TFDP2: variants seen among roughly 807,000 people sequenced by gnomAD.
The protein encoded by TFDP2 is transcription factor Dp-2 (E2F dimerization partner 2).
In TFDP2, 17 loss-of-function variants were observed where a neutral mutation model predicts 59.3. The ratio of observed to expected loss-of-function variants is 0.29; its 90% CI spans 0.20 to 0.43. The LOEUF (loss-of-function observed/expected upper bound fraction) is 0.43, where lower values mean the gene tolerates loss of function less well. Ranked by LOEUF, TFDP2 falls within the 20% of genes least tolerant of loss-of-function variation. The probability of loss-of-function intolerance (pLI) is 1.00; values close to 1 mark genes in which losing one functional copy is unlikely to be tolerated. For missense variants in TFDP2, 391 were observed against 528.8 expected (o/e 0.74, Z 2.56); for synonymous variants, 180 against 194.7 (o/e 0.92, Z 0.63).
intron 3 of TFDP2, among the ~76,000 whole-genome samples, chr3:142,081,261 G>A (rs917903612): frequency 1.3e-5 from 2 of 151,996 alleles, no homozygotes; most frequent in African/African-American, 4.8e-5. Context: ...AAATTAGAAA[G>A]AAATTTAAAA....
chr3:142,104,192 A>G (rs1019360586), intron 1 of TFDP2, among the ~76,000 whole-genome samples: 13 of 152,212 alleles, frequency 8.5e-5, no homozygotes, highest in Admixed American at 1.3e-4. Context: ...TCTAAAAATA[A>G]AGTTCCTATG....
chr3:142,085,209 C>A (rs924812894), intron 3 of TFDP2, among the ~76,000 whole-genome samples: 1 of 152,148 alleles, frequency 6.6e-6, no homozygotes, highest in East Asian at 1.9e-4. Context: ...GCCATTGCAC[C>A]CAGCCGGTCA....
intron 9 of TFDP2, among the ~76,000 whole-genome samples, chr3:141,968,168 T>G (rs1246199608): frequency 7.0e-6 from 1 of 142,814 alleles, no homozygotes; most frequent in Non-Finnish European, 1.5e-5. Context: ...GGCAGGAGCA[T>G]AGGAATAAAC....
chr3:142,135,473 G>T (rs542697844), intron 1 of TFDP2, among the ~76,000 whole-genome samples: 1 of 151,898 alleles, frequency 6.6e-6, no homozygotes, highest in Admixed American at 6.6e-5. Context: ...TGTTACACAG[G>T]TATACATGTG....
At chr3:142,006,148 A>G (rs1394928593) in intron 3 of TFDP2, among the ~76,000 whole-genome samples, 2 of 152,212 alleles carry the variant, frequency 1.3e-5, no homozygotes, top group Admixed American at 1.3e-4. Context: ...AGTATTTTAA[A>G]TTTCAAATTA....
rs1935421174 is a variant in TFDP2 at position 141,947,870 on chromosome 3, G to C, written c.*4643C>G. 6.6e-6 allele frequency: 1 copy of C among 152,384 alleles called. No homozygotes were observed. Among genetic ancestry groups the C allele is most frequent in the South Asian group, 2.1e-4 (1 of 4,822 alleles). 9.4% of individuals were successfully genotyped at this position (152,384 alleles called of 1,614,324 possible). A position where few individuals can be genotyped will look rare whatever the true frequency, so the allele number is the denominator to read the frequency against. On this transcript the variant is annotated 3_prime_UTR_variant, in exon 13 of 13. Coordinates refer to ENST00000489671, the MANE Select transcript of TFDP2 (RefSeq NM_001178139.2). ...ACTCAGTAAAACTGTCTCTTTCCCA[G>C]AGGGGCCTTTCCCAGCCACCCCCAG...
intron 1 of TFDP2, among the ~76,000 whole-genome samples, chr3:142,145,889 A>G (rs1158667198): frequency 1.3e-5 from 2 of 152,226 alleles, no homozygotes; most frequent in Non-Finnish European, 2.9e-5. Context: ...AGTTCCTCAC[A>G]TATTCCTTAT....
At position 142,140,082 on chromosome 3, in the gene TFDP2, G is replaced by A. The variant is rs148819163; in HGVS notation, c.-93+9101C>T. 3.7e-3 allele frequency among the ~76,000 whole-genome samples: 564 copies of A among 151,704 alleles called. 2 individuals are homozygous for A. Among genetic ancestry groups the A allele is most frequent in the African/African-American group, 0.012 (510 of 41,358 alleles). ...GTTCATTTCTTTTTACTCTTTTTTC[G>A]CTAAACTTGTCTTCTCGCTTTATTT... On this transcript the variant is annotated intron_variant, in intron 1 of 12. Coordinates refer to ENST00000489671, the MANE Select transcript of TFDP2 (RefSeq NM_001178139.2).
At chr3:142,062,966 T>C (rs2059968342) in intron 3 of TFDP2, among the ~76,000 whole-genome samples, 1 of 152,198 alleles carries the variant, frequency 6.6e-6, no homozygotes, top group South Asian at 2.1e-4. Flanking sequence ...TGATAGCAGT[T>C]ATCCTTGAAA....
intron 1 of TFDP2, among the ~76,000 whole-genome samples, chr3:142,130,113 T>C (rs1385957035): frequency 2.0e-5 from 3 of 152,066 alleles, no homozygotes; most frequent in African/African-American, 7.2e-5. Flanking sequence ...TCCAAAAAAA[T>C]TGAAAGCAAG....
intron 3 of TFDP2, among the ~76,000 whole-genome samples, chr3:142,067,025 A>G (rs2060094568): frequency 6.6e-6 from 1 of 152,200 alleles, no homozygotes; most frequent in African/African-American, 2.4e-5. Context: ...AAGGGCAGCT[A>G]TAAAAAAAAT....
At chr3:141,963,058 CAG>C (rs1221450059) in intron 10 of TFDP2, among the ~76,000 whole-genome samples, 2 of 152,078 alleles carry the variant, frequency 1.3e-5, no homozygotes, top group South Asian at 2.1e-4. Flanking sequence ...CTTGAGAAAA[CAG>C]AGCTTTGCAG....
intron 9 of TFDP2, among the ~76,000 whole-genome samples, chr3:141,966,744 G>T (rs775111236): frequency 1.3e-5 from 2 of 151,206 alleles, no homozygotes; most frequent in Non-Finnish European, 2.9e-5. Flanking sequence ...TAGGATATTG[G>T]GATTATCTAC....
At chr3:141,987,310 TCTCA>T (rs1942208943) in intron 6 of TFDP2, among the ~76,000 whole-genome samples, 1 of 150,488 alleles carries the variant, frequency 6.6e-6, no homozygotes, top group South Asian at 2.1e-4. Context: ...TTAGCCAGAG[TCTCA>T]CTCTGTCACC....
intron 3 of TFDP2, among the ~76,000 whole-genome samples, chr3:142,053,511 CTTCTT>C (rs1947751471): frequency 6.6e-6 from 1 of 152,324 alleles, no homozygotes; most frequent in South Asian, 2.1e-4. Context: ...CCAAAATAAA[CTTCTT>C]TTCTTTATAA....
chr3:141,990,460 A>G (rs974216870), intron 6 of TFDP2, among the ~76,000 whole-genome samples: 6 of 152,128 alleles, frequency 3.9e-5, no homozygotes, highest in Admixed American at 3.9e-4. Flanking sequence ...TTTTTAGTAG[A>G]GACAAGTTTC....
intron 11 of TFDP2, 124 bp downstream of exon 11, chr3:141,959,550 G>T: frequency 9.8e-7 from 1 of 1,016,734 alleles, no homozygotes; most frequent in Non-Finnish European, 1.5e-6. Flanking sequence ...AGTGTTAAAG[G>T]TTTCAGTTTG....
rs1936022196 is a variant in TFDP2 at position 141,952,390 on chromosome 3, T to C, written c.*123A>G. ...ATGTGATTTGCTTATTGTGTTTCTC[T>C]AGTTTTCACTGAACACACAGTGCAA... On this transcript the variant is annotated 3_prime_UTR_variant, in exon 13 of 13. Coordinates refer to ENST00000489671, the MANE Select transcript of TFDP2 (RefSeq NM_001178139.2). 1.1e-6 allele frequency: 1 copy of C among 884,832 alleles called. No individual in the cohort carries two copies. The highest frequency in any genetic ancestry group is 1.6e-6 in the Non-Finnish European group (1 of 607,432). The allele number at this position is 884,832 out of a possible 1,614,324, so 54.8% of individuals were successfully genotyped here.
intron 3 of TFDP2, among the ~76,000 whole-genome samples, chr3:142,017,891 C>T (rs1233976277): frequency 6.6e-6 from 1 of 151,424 alleles, no homozygotes; most frequent in Non-Finnish European, 1.5e-5. Flanking sequence ...CTTTTATATC[C>T]ATCTCAGATG....
Sources: gnomAD v4.1 joint callset for allele counts (sites outside exome capture counted in the v4.1 genomes callset) on GRCh38, gnomAD v4.1.1 for gene constraint, MANE v1.5 for transcripts, NCBI Gene and HGNC (gene_info 2026-07-23, HGNC 2026-07-21) for gene names.